The following EPHA7 variants were observed in gnomAD, a reference collection of about 807,000 sequenced individuals.
The protein encoded by EPHA7 is ephrin type-A receptor 7.
EPHA7 carries 25 observed loss-of-function variants against 112.6 expected under a neutral mutation model. The observed-to-expected ratio is 0.22, with a 90% CI of 0.16 to 0.31. EPHA7 has a LOEUF of 0.31. EPHA7 is among the 10% of genes least tolerant of loss of function. The pLI, the probability that EPHA7 is intolerant of heterozygous loss-of-function variation, is 1.00. For missense variants in EPHA7, 962 were observed against 1,212.6 expected, an observed-to-expected ratio of 0.79 and a Z score of 3.07; for synonymous variants, 437 against 406.5, an observed-to-expected ratio of 1.07 and a Z score of -0.90.
intron 11 of EPHA7, 86 bp from the exon 12 acceptor site, chr6:93,257,609 G>A: frequency 3.5e-6 from 3 of 848,640 alleles, no homozygotes; most frequent in Non-Finnish European, 5.6e-6. Flanking sequence ...AACACATGGT[G>A]TTCTTTTGAA....
At chr6:93,385,374 G>C (rs1161998316) in intron 3 of EPHA7, among the ~76,000 whole-genome samples, 2 of 151,958 alleles carry the variant, frequency 1.3e-5, no homozygotes, top group African/African-American at 4.8e-5. Flanking sequence ...CAGTCAGAAA[G>C]GAATAATAAA....
At chr6:93,245,223 G>C (rs1169114662) in intron 16 of EPHA7, 75 bp downstream of exon 16, 2 of 1,331,928 alleles carry the variant, frequency 1.5e-6, no homozygotes. Context: ...TTAATATAAA[G>C]AAGATAACCT....
rs769462112 is a variant in EPHA7, at chr6:93,278,714, T to TG, written c.1325-6293_1325-6292insC. Among the ~76,000 whole-genome samples the TG allele has an allele frequency of 2.0e-5, 3 of 152,048 alleles. 1 individual carries two copies. The highest frequency in any genetic ancestry group is 6.6e-5 in the Admixed American group (1 of 15,264). On this transcript the variant is annotated intron_variant, in intron 5 of 16. Coordinates refer to ENST00000369303, the MANE Select transcript of EPHA7 (RefSeq NM_004440.4). Reference sequence around the variant, plus strand: ...AATACTGCTTTTCTTGCTGTTTTTTTTTGTTGTTGTTGTGTGTGTGTGTGT... The same window carrying TG: ...AATACTGCTTTTCTTGCTGTTTTTTTGTTGTTGTTGTTGTGTGTGTGTGTGT...
intron 3 of EPHA7, among the ~76,000 whole-genome samples, chr6:93,389,321 A>G (rs1777788185): frequency 6.6e-6 from 1 of 152,044 alleles, no homozygotes; most frequent in African/African-American, 2.4e-5. Context: ...TTCCATACAC[A>G]ACCTCTTGAA....
chr6:93,389,441 C>G (rs1777793977), intron 3 of EPHA7, among the ~76,000 whole-genome samples: 1 of 151,974 alleles, frequency 6.6e-6, no homozygotes, highest in African/African-American at 2.4e-5. Context: ...TGGACTGGCA[C>G]CTCTGTCTAT....
chr6:93,245,252 T>G, intron 16 of EPHA7, 46 bp downstream of exon 16: 1 of 1,544,190 alleles, frequency 6.5e-7, no homozygotes, highest in Non-Finnish European at 8.8e-7. Flanking sequence ...AAGTGTAGAT[T>G]GTACCTAATA....
At chr6:93,406,913 T>C (rs746885541) in intron 3 of EPHA7, among the ~76,000 whole-genome samples, 2 of 151,902 alleles carry the variant, frequency 1.3e-5, no homozygotes, top group Non-Finnish European at 2.9e-5. Context: ...AGAAAATGTA[T>C]TGGCTAGTTT....
At chr6:93,332,247 A>C (rs756053337) in intron 5 of EPHA7, among the ~76,000 whole-genome samples, 92 of 151,658 alleles carry the variant, frequency 6.1e-4, no homozygotes, top group Non-Finnish European at 1.2e-3. Context: ...GAACTGAATA[A>C]AGCAAGCAAA....
chr6:93,370,900 C>T (rs1319609116), intron 3 of EPHA7, among the ~76,000 whole-genome samples: 1 of 151,166 alleles, frequency 6.6e-6, no homozygotes, highest in African/African-American at 2.4e-5. Context: ...AATCCCAGCA[C>T]TTTGGGAAGC....
chr6:93,244,882 A>G (rs1020744313), intron 16 of EPHA7, among the ~76,000 whole-genome samples: 1 of 152,200 alleles, frequency 6.6e-6, no homozygotes, highest in African/African-American at 2.4e-5. Context: ...CTCCTTTGCA[A>G]TGGAGAAAGT....
At chr6:93,349,934 C>CT (rs1319107900) in intron 5 of EPHA7, among the ~76,000 whole-genome samples, 1 of 151,676 alleles carries the variant, frequency 6.6e-6, no homozygotes, top group African/African-American at 2.4e-5. Flanking sequence ...TTGGTTTTGT[C>CT]TTTTTTGGGG....
At chr6:93,249,406 T>C (rs1770107677) in intron 14 of EPHA7, among the ~76,000 whole-genome samples, 1 of 152,200 alleles carries the variant, frequency 6.6e-6, no homozygotes, top group Admixed American at 6.6e-5. Context: ...AAAAGTAATT[T>C]ACTTTTAGAA....
chr6:93,265,200 T>C (rs530533179), intron 7 of EPHA7, among the ~76,000 whole-genome samples: 118 of 151,750 alleles, frequency 7.8e-4, no homozygotes, highest in African/African-American at 2.7e-3. Flanking sequence ...ATCATAAACA[T>C]CATAAATTTA....
chr6:93,362,847 G>T (rs555349715), intron 3 of EPHA7, among the ~76,000 whole-genome samples: 1 of 152,144 alleles, frequency 6.6e-6, no homozygotes, highest in East Asian at 1.9e-4. Context: ...AGTTTTTTAG[G>T]TTTATGACCT....
chr6:93,369,386 T>C (rs1582611128), intron 3 of EPHA7, among the ~76,000 whole-genome samples: 1 of 152,146 alleles, frequency 6.6e-6, no homozygotes, highest in East Asian at 1.9e-4. Flanking sequence ...CCTACTAACT[T>C]TGCATCCATA....
At chr6:93,299,223 A>G (rs907550196) in intron 5 of EPHA7, among the ~76,000 whole-genome samples, 10 of 151,834 alleles carry the variant, frequency 6.6e-5, no homozygotes, top group Non-Finnish European at 1.2e-4. Context: ...CTACTCAGGA[A>G]GCTGAGGCAG....
intron 3 of EPHA7, among the ~76,000 whole-genome samples, chr6:93,365,365 G>A (rs1459891222): frequency 1.3e-5 from 2 of 152,124 alleles, no homozygotes; most frequent in East Asian, 1.9e-4. Context: ...TTTATTTATT[G>A]CAGATGAATA....
At chr6:93,381,897 T>G (rs1177397479) in intron 3 of EPHA7, among the ~76,000 whole-genome samples, 7 of 152,180 alleles carry the variant, frequency 4.6e-5, no homozygotes, top group Non-Finnish European at 1.0e-4. Context: ...AATTCCTCAC[T>G]TTGATCTCAG....
intron 5 of EPHA7, among the ~76,000 whole-genome samples, chr6:93,300,462 A>T (rs1371813661): frequency 2.0e-5 from 3 of 152,202 alleles, no homozygotes; most frequent in Non-Finnish European, 4.4e-5. Flanking sequence ...AGTAAGATTT[A>T]GGACAATTTT....
Sources: allele counts gnomAD v4.1 joint callset (sites outside exome capture counted in the v4.1 genomes callset), GRCh38; gene constraint gnomAD v4.1.1; transcripts MANE v1.5; gene names NCBI Gene and HGNC (gene_info 2026-07-23, HGNC 2026-07-21).